The following GALNT13 variants were observed in gnomAD, a reference collection of about 807,000 sequenced individuals.
GALNT13 encodes the protein UDP-GalNAc:polypeptide N-acetylgalactosaminyltransferase 13.
In GALNT13, 28 loss-of-function variants were observed where a neutral mutation model predicts 64.2. The observed-to-expected ratio is 0.44, with a 90% CI of 0.32 to 0.60. The LOEUF (loss-of-function observed/expected upper bound fraction) is 0.60. Ranked by LOEUF, GALNT13 falls within the 20% of genes least tolerant of loss-of-function variation. The pLI is 0.05. For synonymous variants in GALNT13, 214 were observed against 224.6 expected (o/e 0.95, Z 0.42); for missense variants, 577 against 669.8 (o/e 0.86, Z 1.53).
chr2:153,184,935 C>A, the GALNT13 span, among the ~76,000 whole-genome samples: 120 of 152,020 alleles, frequency 7.9e-4, no homozygotes, highest in Admixed American at 3.0e-3. Context: ...TTTTTTGTTG[C>A]GTATCTGCCA....
chr2:153,502,675 A>G, the GALNT13 span, among the ~76,000 whole-genome samples: 7 of 152,346 alleles, frequency 4.6e-5, no homozygotes, highest in Admixed American at 2.0e-4. Context: ...ACTGTTTTCC[A>G]TAGTTGTACT....
chr2:153,326,004 C>A, the GALNT13 span, among the ~76,000 whole-genome samples: 1 of 152,112 alleles, frequency 6.6e-6, no homozygotes. Context: ...CTGTAGATGT[C>A]TATTAGGTTG....
rs770521506 is a variant in GALNT13, at chr2:154,446,645, T to C, written c.1531-3766T>C. On this transcript the variant is annotated intron_variant, in intron 12 of 12. Transcript: ENST00000392825. The stretch of plus-strand genomic sequence containing the variant: ...TAGCTGATGGCTCCCAGCATCCTAC[T>C]GTGGAAACCTGTAATGATAGCACTT... 4.8e-5 allele frequency: 75 copies of C among 1,548,756 alleles called. 1 individual carries two copies. The highest frequency in any genetic ancestry group is 7.9e-5 in the Admixed American group (4 of 50,898).
At chr2:153,166,014 A>T in the GALNT13 span, among the ~76,000 whole-genome samples, 1 of 152,208 alleles carries the variant, frequency 6.6e-6, no homozygotes, top group Non-Finnish European at 1.5e-5. Context: ...CTATAATATC[A>T]TGTCTCTGGT....
chr2:153,190,903 C>T, the GALNT13 span, among the ~76,000 whole-genome samples: 5 of 151,912 alleles, frequency 3.3e-5, no homozygotes, highest in Admixed American at 6.6e-5. Context: ...ATAAATGCTA[C>T]TGATTTTTGT....
chr2:153,822,087 CA>C, the GALNT13 span, among the ~76,000 whole-genome samples: 1 of 151,986 alleles, frequency 6.6e-6, no homozygotes, highest in Non-Finnish European at 1.5e-5. Flanking sequence ...GAATCAGTAA[CA>C]AAATAAAACA....
At position 154,450,809 on chromosome 2, in the gene GALNT13, TGC is replaced by T; in HGVS notation, c.*259_*260del. ...AACAACTTGTAAAACAAATTGTGTT[TGC>T]TTTAAGAAAAATGTTTATTGCACTC... On this transcript the variant is annotated 3_prime_UTR_variant, in exon 13 of 13. Transcript: ENST00000392825. 2.9e-6 allele frequency: 1 copy of T among 341,098 alleles called. No homozygotes were observed. The highest frequency in any genetic ancestry group is 4.4e-5 in the Admixed American group (1 of 22,964). 21.1% of individuals were successfully genotyped at this position (341,098 alleles called of 1,614,324 possible).
At chr2:153,662,821 G>C in the GALNT13 span, among the ~76,000 whole-genome samples, 1 of 152,098 alleles carries the variant, frequency 6.6e-6, no homozygotes, top group South Asian at 2.1e-4. Context: ...CTGTTTACTA[G>C]GTATGGAAAA....
At chr2:153,819,684 C>A in the GALNT13 span, among the ~76,000 whole-genome samples, 1 of 152,224 alleles carries the variant, frequency 6.6e-6, no homozygotes, top group African/African-American at 2.4e-5. Flanking sequence ...ACAGCTAGTT[C>A]TTTCCTGCAA....
chr2:153,508,871 T>C, the GALNT13 span, among the ~76,000 whole-genome samples: 65 of 152,272 alleles, frequency 4.3e-4, no homozygotes, highest in African/African-American at 1.6e-3. Context: ...TTCCCCCCTA[T>C]AAATCTCCTA....
the GALNT13 span, among the ~76,000 whole-genome samples, chr2:153,218,160 CT>C: frequency 1.3e-5 from 2 of 152,168 alleles, no homozygotes; most frequent in South Asian, 4.1e-4. Context: ...TCAGCTTTGT[CT>C]TAGATAACTT....
At chr2:153,394,839 G>A in the GALNT13 span, among the ~76,000 whole-genome samples, 15 of 152,250 alleles carry the variant, frequency 9.9e-5, no homozygotes, top group African/African-American at 3.6e-4. Flanking sequence ...CACATTCCAT[G>A]GGTCAGGATT....
At chr2:153,491,590 T>A in the GALNT13 span, among the ~76,000 whole-genome samples, 1 of 140,428 alleles carries the variant, frequency 7.1e-6, no homozygotes, top group Non-Finnish European at 1.5e-5. Context: ...ACCTAAACCA[T>A]ATTATATTTA....
chr2:153,947,968 T>C (rs1423772373), intron 3 of GALNT13, among the ~76,000 whole-genome samples: 7 of 152,110 alleles, frequency 4.6e-5, no homozygotes, highest in Non-Finnish European at 8.8e-5. Flanking sequence ...TTTGGTCAGG[T>C]TTGTCAAAGA....
intron 8 of GALNT13, among the ~76,000 whole-genome samples, chr2:154,290,137 C>T (rs1559070355): frequency 6.6e-6 from 1 of 152,036 alleles, no homozygotes; most frequent in East Asian, 1.9e-4. Flanking sequence ...ACTGCCGGGG[C>T]AAGTCAGGGA....
At chr2:153,717,715 C>T in the GALNT13 span, among the ~76,000 whole-genome samples, 1 of 152,098 alleles carries the variant, frequency 6.6e-6, no homozygotes, top group African/African-American at 2.4e-5. Flanking sequence ...ATTTCATTAA[C>T]ATGCTGAGTT....
the GALNT13 span, among the ~76,000 whole-genome samples, chr2:153,857,249 C>T: frequency 6.6e-6 from 1 of 152,050 alleles, no homozygotes; most frequent in South Asian, 2.1e-4. Context: ...TTTTTCAATG[C>T]AGTGTGTTTT....
rs138268324 is a variant in GALNT13 at position 154,180,654 on chromosome 2, A to G, written c.311+40149A>G. ...CGTAGTTAAAATGTTGCTATTCATAATTCTCACCTTCTTTTTCTAAATTAA... is the reference window on the plus strand; with the variant it reads ...CGTAGTTAAAATGTTGCTATTCATAGTTCTCACCTTCTTTTTCTAAATTAA... On this transcript the variant is annotated intron_variant, in intron 4 of 12. Coordinates refer to ENST00000392825, the MANE Select transcript of GALNT13 (RefSeq NM_052917.4). Among the ~76,000 whole-genome samples, 365 of 152,212 alleles carry G rather than the reference A, an allele frequency of 2.4e-3. 10 individuals carry two copies. Among genetic ancestry groups the G allele is most frequent in the Admixed American group, 0.021 (319 of 15,272 alleles).
At chr2:154,097,006 G>A (rs1158557010) in intron 3 of GALNT13, among the ~76,000 whole-genome samples, 1 of 63,346 alleles carries the variant, frequency 1.6e-5, no homozygotes, top group Non-Finnish European at 3.5e-5. Flanking sequence ...AAGAAAATAA[G>A]TAAGTAAGTA....
Sources: gnomAD v4.1 joint callset for allele counts (sites outside exome capture counted in the v4.1 genomes callset) on GRCh38, gnomAD v4.1.1 for gene constraint, MANE v1.5 for transcripts, NCBI Gene and HGNC (gene_info 2026-07-23, HGNC 2026-07-21) for gene names.